GNB1L: variants seen among roughly 807,000 people sequenced by gnomAD.
The protein encoded by GNB1L is G protein subunit beta 1 like.
In GNB1L, 20 loss-of-function variants were observed where a neutral mutation model predicts 29.1. The observed-to-expected ratio is 0.69, with a 90% CI of 0.48 to 1.00. GNB1L has a LOEUF of 1.00. Among genes scored for constraint, GNB1L ranks in the 50% least tolerant of loss-of-function variants. The pLI, the probability that GNB1L is intolerant of heterozygous loss-of-function variation, is 0.00. For synonymous variants in GNB1L, 193 were observed against 206.5 expected (o/e 0.93, Z 0.56); for missense variants, 421 against 464.9 (o/e 0.91, Z 0.87).
intron 6 of GNB1L, 59 bp from the exon 7 acceptor site, chr22:19,802,275 G>A: frequency 7.2e-7 from 1 of 1,381,454 alleles, no homozygotes; most frequent in Non-Finnish European, 1.0e-6. Context: ...GTGAGTTTCG[G>A]GGGAGAAGGG....
At position 19,799,726 on chromosome 22, in the gene GNB1L, A is replaced by G. The variant is rs118043946; in HGVS notation, c.732+2275T>C. ...GGAGTCACAGTGCAGGCGGTGGGTG[A>G]GGACACCTGTGGGTGCTGAGGACCT... On this transcript the variant is annotated intron_variant, in intron 7 of 7. Transcript: ENST00000329517. Among the ~76,000 whole-genome samples, 930 of 152,318 alleles carry G rather than the reference A, an allele frequency of 6.1e-3. 24 individuals carry two copies. The South Asian group carries it at 0.079, about 13-fold the overall frequency.
At chr22:19,846,806 A>C (rs1307899342) in intron 2 of GNB1L, 7 of 650,562 alleles carry the variant, frequency 1.1e-5, no homozygotes, top group African/African-American at 9.8e-5. Flanking sequence ...AGGAGAAACC[A>C]ACCCTGCCCA....
chr22:19,849,002 G>A (rs1938030211), intron 2 of GNB1L: 1 of 985,510 alleles, frequency 1.0e-6, no homozygotes, highest in Non-Finnish European at 1.2e-6. Context: ...AGGCATCAGG[G>A]AGCAGTCTGA....
Position 19,812,376 on chromosome 22 carries a change from C to T in GNB1L, c.326G>A (p.Cys109Tyr), listed in dbSNP as rs759338055. 6 of 1,613,308 alleles carry T rather than the reference C, an allele frequency of 3.7e-6. No homozygotes were observed. The African/African-American group carries it at 6.7e-5, about 18-fold the overall frequency. ...CCGGCAGAAGCCCACACTCTCCAAG[C>T]ACACGGAGTCCACGACAGCGCTCCT... ...EGRSAVVDSV[C>Y]LESVGFCRSS... The change falls in exon 5 of 8, where the codon TGC (cysteine) becomes TAC (tyrosine). Residue 109 changes from cysteine to tyrosine, a missense_variant. Cys to Tyr is a radical substitution (Grantham distance 194). Coordinates refer to ENST00000329517, the MANE Select transcript of GNB1L (RefSeq NM_053004.3).
intron 2 of GNB1L, among the ~76,000 whole-genome samples, chr22:19,840,727 T>C (rs1601349248): frequency 6.6e-6 from 1 of 152,098 alleles, no homozygotes; most frequent in South Asian, 2.1e-4. Flanking sequence ...GGAGAATCGC[T>C]TGAACCCGAC....
intron 4 of GNB1L, among the ~76,000 whole-genome samples, chr22:19,813,218 A>G (rs1937513348): frequency 6.6e-6 from 1 of 152,220 alleles, no homozygotes; most frequent in South Asian, 2.1e-4. Context: ...GGTGCTGTCC[A>G]CTGAGAACAC....
chr22:19,783,669 GGC>G lies in GNB1L; in HGVS notation c.*5038_*5039del, dbSNP rs1183573940. ...TGTGGCCGTTGTCCCCATCGTCCGT[GGC>G]TTCATCCCTCAACTGATGCTTTCCT... On this transcript the variant is annotated 3_prime_UTR_variant, in exon 8 of 8. Transcript: ENST00000329517. 1 of 160,162 alleles carries G rather than the reference GGC, an allele frequency of 6.2e-6. No individual in the cohort carries two copies. The highest frequency in any genetic ancestry group is 2.4e-5 in the African/African-American group (1 of 41,518). 9.9% of individuals were successfully genotyped at this position (160,162 alleles called of 1,614,324 possible).
rs773252947 is a variant in GNB1L at position 19,788,922 on chromosome 22, G to T, written c.771C>A (p.Ala257=). The T allele has an allele frequency of 5.6e-6, 9 of 1,610,926 alleles. No individual in the cohort carries two copies. The South Asian group carries it at 9.9e-5, about 18-fold the overall frequency. ...GTHELTNPGI[A]EVTIRPDRKI... ...TGCGATCTGGCCGGATCGTGACCTC[G>T]GCGATCCCGGGATTGGTGAGTTCAT... The change falls in exon 8 of 8, where the codon GCC becomes GCA. Residue 257 remains alanine, a synonymous_variant. Coordinates refer to ENST00000329517, the MANE Select transcript of GNB1L (RefSeq NM_053004.3).
chr22:19,833,585 C>T (rs898902945), intron 2 of GNB1L, among the ~76,000 whole-genome samples: 5 of 152,028 alleles, frequency 3.3e-5, no homozygotes, highest in African/African-American at 4.8e-5. Context: ...TAAAATAGGC[C>T]GGACGCGGTA....
At chr22:19,845,582 T>C (rs1345996717) in intron 2 of GNB1L, among the ~76,000 whole-genome samples, 1 of 152,146 alleles carries the variant, frequency 6.6e-6, no homozygotes, top group Non-Finnish European at 1.5e-5. Flanking sequence ...TGGGGGTGGT[T>C]CCTGAGGCCA....
At chr22:19,848,215 A>G (rs2145903195) in intron 2 of GNB1L, 1 of 985,354 alleles carries the variant, frequency 1.0e-6, no homozygotes, top group East Asian at 1.1e-4. Flanking sequence ...AGGAAATAAA[A>G]TCTCTGGGTA....
In GNB1L at chr22:19,788,965, G is replaced by C; in HGVS notation, c.733-5C>G. The stretch of plus-strand genomic sequence containing the variant: ...GAGTTCATGAGTCCCACGCACCTGT[G>C]AGAGTTGGGAGAGGTGTTAGGCCAC... On this transcript the variant is annotated splice_region_variant and splice_polypyrimidine_tract_variant and intron_variant, in intron 7 of 7. Transcript: ENST00000329517. 1.9e-6 allele frequency: 3 copies of C among 1,593,120 alleles called. No individual in the cohort carries two copies. The highest frequency in any genetic ancestry group is 1.1e-5 in the South Asian group (1 of 88,668).
intron 2 of GNB1L, chr22:19,851,829 GC>G: frequency 6.2e-7 from 1 of 1,613,982 alleles, no homozygotes; most frequent in Non-Finnish European, 8.5e-7. Flanking sequence ...CCTGTTAGGC[GC>G]CTGAGGATCT....
chr22:19,840,243 C>T (rs1317320267), intron 2 of GNB1L, among the ~76,000 whole-genome samples: 1 of 152,076 alleles, frequency 6.6e-6, no homozygotes, highest in Non-Finnish European at 1.5e-5. Flanking sequence ...TGAGTCCACA[C>T]TGAGGTAAAG....
chr22:19,845,810 G>A (rs551020759), intron 2 of GNB1L, among the ~76,000 whole-genome samples: 1 of 152,372 alleles, frequency 6.6e-6, no homozygotes, highest in Non-Finnish European at 1.5e-5. Context: ...TGCTGGGGCT[G>A]GGCAAGGGCC....
chr22:19,828,342 C>T (rs1370057002), intron 2 of GNB1L, among the ~76,000 whole-genome samples: 1 of 152,150 alleles, frequency 6.6e-6, no homozygotes, highest in Non-Finnish European at 1.5e-5. Flanking sequence ...TTTAATTCTT[C>T]ATTGCAGTTT....
In GNB1L at chr22:19,788,746, T is replaced by C. The variant is rs1293152288; in HGVS notation, c.947A>G (p.Gln316Arg). The C allele has an allele frequency of 1.9e-6, 3 of 1,611,344 alleles. No individual in the cohort carries two copies. Among genetic ancestry groups the C allele is most frequent in the South Asian group, 2.2e-5 (2 of 91,036 alleles). Residue 316 changes from glutamine (Q) to arginine (R), a missense_variant, in exon 8 of 8, where the codon CAG (glutamine) becomes CGG (arginine). Gln to Arg is a conservative substitution (Grantham distance 43). Coordinates refer to ENST00000329517, the MANE Select transcript of GNB1L (RefSeq NM_053004.3). The stretch of plus-strand genomic sequence containing the variant: ...GTAGAGTGACCAGAGGCTGATCCGC[T>C]GATCCTTGGAGCCCGCGGCCAGCAA... ...DGLLAAGSKD[Q>R]RISLWSLYPR...
rs970606452 is a variant in GNB1L at position 19,847,832 on chromosome 22, CA to C, written c.-21+6610del. On this transcript the variant is annotated intron_variant, in intron 2 of 7. Transcript: ENST00000329517. ...AAAAAAAAAAAAAAAAAAATTCACC[CA>C]TATTTTCCTCTAGTACTTTCATAAT... The C allele has an allele frequency of 1.4e-4, 99 of 705,962 alleles. 3 individuals carry two copies. Among genetic ancestry groups the C allele is most frequent in the Non-Finnish European group, 1.6e-4 (97 of 603,756 alleles). 43.7% of individuals were successfully genotyped at this position (705,962 alleles called of 1,614,324 possible).
intron 2 of GNB1L, among the ~76,000 whole-genome samples, chr22:19,831,414 A>C (rs1937678329): frequency 6.6e-6 from 1 of 151,762 alleles, no homozygotes; most frequent in Non-Finnish European, 1.5e-5. Context: ...ACTATAGAAA[A>C]ATAAAAATTT....
Sources: gnomAD v4.1 joint callset for allele counts (sites outside exome capture counted in the v4.1 genomes callset) on GRCh38, gnomAD v4.1.1 for gene constraint, MANE v1.5 for transcripts, NCBI Gene and HGNC (gene_info 2026-07-23, HGNC 2026-07-21) for gene names.